The following PKHD1 variants were observed in gnomAD, a reference collection of about 807,000 sequenced individuals.
PKHD1 encodes fibrocystin.
In PKHD1, 291 loss-of-function variants were observed where a neutral mutation model predicts 412.0. The ratio of observed to expected loss-of-function variants is 0.71; its 90% confidence interval spans 0.64 to 0.78. The LOEUF is 0.78. PKHD1 is among the 30% of genes least tolerant of loss of function. The pLI is 0.00. For synonymous variants in PKHD1, 1,777 were observed against 1,821.5 expected (o/e 0.98, Z 0.62); for missense variants, 4,825 against 4,950.7 (o/e 0.97, Z 0.76).
At chr6:51,992,714 C>T (rs1373802755) in intron 35 of PKHD1, among the ~76,000 whole-genome samples, 4 of 152,232 alleles carry the variant, frequency 2.6e-5, no homozygotes, top group African/African-American at 9.6e-5. Context: ...AAATTTCATG[C>T]CACATGGCAG....
rs770492164 is a variant in PKHD1 at position 51,934,268 on chromosome 6, A to G, written c.5963T>C (p.Ile1988Thr). The stretch of plus-strand genomic sequence containing the variant: ...GAGCTCTCCACCATCAGAAACAAGG[A>G]TGGCGTGTGCCCTGAGCTCGATGGG... ...PGPIELRAHA[I>T]LVSDGGELRI... The change falls in exon 37 of 67, where the codon ATC becomes ACC. Residue 1988 changes from isoleucine (I) to threonine (T), a missense_variant. Coordinates refer to ENST00000371117, the MANE Select transcript of PKHD1 (RefSeq NM_138694.4). The G allele has an allele frequency of 2.1e-5, 34 of 1,613,654 alleles. No individual in the cohort carries two copies. Among genetic ancestry groups the G allele is most frequent in the Non-Finnish European group, 1.9e-5 (23 of 1,179,962 alleles).
intron 61 of PKHD1, among the ~76,000 whole-genome samples, chr6:51,655,465 G>A (rs991352367): frequency 1.3e-5 from 2 of 152,032 alleles, no homozygotes; most frequent in Admixed American, 1.3e-4. Context: ...AATATGATAA[G>A]TATATACACA....
At chr6:51,898,680 G>A (rs1300238237) in intron 43 of PKHD1, among the ~76,000 whole-genome samples, 18 of 126,874 alleles carry the variant, frequency 1.4e-4, no homozygotes, top group Admixed American at 1.3e-3. Flanking sequence ...AGAACTGAAG[G>A]AAATGGAGAC....
At chr6:52,064,874 A>AGGCTGGGCGCGGTGGCTCATGCCTGT (rs759868981) in intron 13 of PKHD1, 81 bp downstream of exon 13, 1 of 726,360 alleles carries the variant, frequency 1.4e-6, no homozygotes, top group Non-Finnish European at 2.4e-6. Context: ...GAAAGAATTC[A>AGGCTGGGCGCGGTGGCTCATGCCTGT]AACACTTTTA....
intron 43 of PKHD1, among the ~76,000 whole-genome samples, chr6:51,889,786 T>C (rs898443384): frequency 1.3e-5 from 2 of 152,132 alleles, no homozygotes; most frequent in Admixed American, 6.5e-5. Context: ...CTAACGTTCC[T>C]AGGAGACATT....
At chr6:51,906,444 T>C in intron 40 of PKHD1, 104 bp from the exon 41 acceptor site, 1 of 890,346 alleles carries the variant, frequency 1.1e-6, no homozygotes, top group South Asian at 1.3e-5. Context: ...TCCCACACAA[T>C]AATGAAACTC....
intron 52 of PKHD1, among the ~76,000 whole-genome samples, chr6:51,823,772 C>T (rs979261212): frequency 3.3e-5 from 5 of 152,182 alleles, no homozygotes; most frequent in South Asian, 2.1e-4. Context: ...TTAATTCCCA[C>T]TCCTAATTGT....
intron 43 of PKHD1, among the ~76,000 whole-genome samples, chr6:51,892,731 T>C (rs1779303439): frequency 6.6e-6 from 1 of 152,216 alleles, no homozygotes; most frequent in Non-Finnish European, 1.5e-5. Flanking sequence ...ACTATTGATA[T>C]CATTTAAAAC....
intron 63 of PKHD1, 99 bp downstream of exon 63, chr6:51,647,932 A>T: frequency 2.6e-6 from 2 of 777,228 alleles, no homozygotes; most frequent in Non-Finnish European, 4.7e-6. Flanking sequence ...GAAGAAATTC[A>T]GTATTACCAA....
chr6:52,076,120 C>A (rs1811292617), intron 6 of PKHD1, among the ~76,000 whole-genome samples, 156 bp downstream of exon 6: 1 of 152,114 alleles, frequency 6.6e-6, no homozygotes, highest in South Asian at 2.1e-4. Context: ...AAAACCAAAG[C>A]ACGTTAAAAA....
chr6:51,796,817 A>ATTT (rs35774390), intron 52 of PKHD1, among the ~76,000 whole-genome samples: 26,530 of 136,688 alleles, frequency 0.19, 3,015 homozygotes, highest in African/African-American at 0.29. Context: ...TTTTGAATAG[A>ATTT]TTTTTTTTTT....
At chr6:51,989,925 A>G (rs1300198940) in intron 35 of PKHD1, among the ~76,000 whole-genome samples, 6 of 106,704 alleles carry the variant, frequency 5.6e-5, no homozygotes, top group East Asian at 3.1e-4. Context: ...GGAAGGAAGG[A>G]AGGAAGGAAA....
chr6:51,652,373 A>T (rs1392102261), intron 61 of PKHD1, among the ~76,000 whole-genome samples: 1 of 152,172 alleles, frequency 6.6e-6, no homozygotes, highest in African/African-American at 2.4e-5. Context: ...TCAGAAAGCA[A>T]GTAAGTTTTA....
intron 60 of PKHD1, among the ~76,000 whole-genome samples, chr6:51,718,203 A>G (rs536564121): frequency 2.0e-5 from 3 of 152,320 alleles, no homozygotes; most frequent in African/African-American, 7.2e-5. Flanking sequence ...TGCAGGGGAA[A>G]AAGCACTTCC....
chr6:51,899,421 A>G (rs1354664346), intron 43 of PKHD1, among the ~76,000 whole-genome samples: 4 of 152,076 alleles, frequency 2.6e-5, no homozygotes, highest in East Asian at 1.9e-4. Flanking sequence ...AAAACCACAG[A>G]ATTATCTCAA....
chr6:51,925,438 CGTGTGTGTGTGTGTGTATGTGTGTGT>C (rs1254477877), intron 37 of PKHD1, among the ~76,000 whole-genome samples: 3 of 147,488 alleles, frequency 2.0e-5, no homozygotes, highest in African/African-American at 7.5e-5. Context: ...AATTGTTCTT[CGTGTGTGTGTGTGTGTATGTGTGTGT>C]GTGTGTGTGT....
At chr6:52,034,692 G>A (rs1803653045) in intron 28 of PKHD1, among the ~76,000 whole-genome samples, 2 of 152,060 alleles carry the variant, frequency 1.3e-5, no homozygotes, top group African/African-American at 4.8e-5. Context: ...ATAGTTATTA[G>A]GATGATTAAA....
At chr6:51,912,024 C>G (rs1225368898) in intron 38 of PKHD1, 68 bp from the exon 39 acceptor site, 1 of 1,202,268 alleles carries the variant, frequency 8.3e-7, no homozygotes, top group East Asian at 2.4e-5. Context: ...TAATAAGCCA[C>G]TAGATTAACA....
At chr6:51,899,820 C>G (rs568590529) in intron 43 of PKHD1, among the ~76,000 whole-genome samples, 5 of 152,310 alleles carry the variant, frequency 3.3e-5, no homozygotes, top group South Asian at 2.1e-4. Flanking sequence ...TCAGCAAAGT[C>G]TCAGGATACA....
Sources: allele counts gnomAD v4.1 joint callset (sites outside exome capture counted in the v4.1 genomes callset), GRCh38; gene constraint gnomAD v4.1.1; transcripts MANE v1.5; gene names NCBI Gene and HGNC (gene_info 2026-07-23, HGNC 2026-07-21).